Variants in ATL3 observed in about 807,000 individuals in gnomAD.
The protein encoded by ATL3 is atlastin GTPase 3, also known as atlastin-3.
Under a neutral mutation model 69.5 loss-of-function variants are expected in ATL3, and 49 were observed. That is an observed-to-expected ratio of 0.71 (90% confidence interval 0.56 to 0.89). The LOEUF (loss-of-function observed/expected upper bound fraction) is 0.89. Ranked by LOEUF, ATL3 falls within the 40% of genes least tolerant of loss-of-function variation. The pLI is 0.00. For missense variants in ATL3, 606 were observed against 645.7 expected, an observed-to-expected ratio of 0.94 and a Z score of 0.67; for synonymous variants, 214 against 224.1, an observed-to-expected ratio of 0.95 and a Z score of 0.40.
intron 5 of ATL3, 29 bp downstream of exon 5, chr11:63,651,907 A>T: frequency 1.3e-6 from 2 of 1,574,980 alleles, no homozygotes; most frequent in Non-Finnish European, 1.7e-6. Context: ...AAATAATATG[A>T]TGTTAAAATT....
intron 1 of ATL3, among the ~76,000 whole-genome samples, chr11:63,667,084 T>C (rs1940593269): frequency 6.6e-6 from 1 of 152,190 alleles, no homozygotes; most frequent in East Asian, 1.9e-4. Flanking sequence ...AATCATTCCC[T>C]TTTCCAGAGT....
At chr11:63,638,240 T>A (rs571976266) in intron 8 of ATL3, among the ~76,000 whole-genome samples, 1 of 152,180 alleles carries the variant, frequency 6.6e-6, no homozygotes, top group Non-Finnish European at 1.5e-5. Flanking sequence ...ACTCAATCTT[T>A]AGTGGTGTCA....
Position 63,659,206 on chromosome 11 carries a change from C to T in ATL3, c.93G>A (p.Leu31=), listed in dbSNP as rs774668397. Residue 31 remains leucine (L), a synonymous_variant, in exon 2 of 13, where the codon TTG becomes TTA. Coordinates refer to ENST00000398868, the MANE Select transcript of ATL3 (RefSeq NM_015459.5). ...SSKPGPVQVV[L]VQKDQHSFEL... is the part of the protein sequence containing the mutation. ...CAAAGGAATGTTGATCTTTCTGAAC[C>T]AAAACAACCTGCACTGGACCAGGCT... 10 of 1,613,910 alleles carry T rather than the reference C, an allele frequency of 6.2e-6. No individual in the cohort carries two copies. Among genetic ancestry groups the T allele is most frequent in the Non-Finnish European group, 8.5e-6 (10 of 1,180,012 alleles).
intron 1 of ATL3, among the ~76,000 whole-genome samples, chr11:63,667,444 C>T (rs1471134496): frequency 1.3e-5 from 2 of 151,952 alleles, no homozygotes; most frequent in African/African-American, 4.8e-5. Flanking sequence ...ATTCTCCCAC[C>T]TCAGCCTCCC....
At chr11:63,641,787 A>C (rs975120361) in intron 8 of ATL3, among the ~76,000 whole-genome samples, 7 of 152,220 alleles carry the variant, frequency 4.6e-5, no homozygotes, top group Admixed American at 2.6e-4. Flanking sequence ...TTCAAAAGCC[A>C]GGGTTACTGA....
chr11:63,643,904 T>C (rs1939782411), intron 7 of ATL3, among the ~76,000 whole-genome samples: 1 of 152,294 alleles, frequency 6.6e-6, no homozygotes, highest in Non-Finnish European at 1.5e-5. Flanking sequence ...TAAAGACACA[T>C]ATAGAACTTG....
At chr11:63,633,218 T>A (rs918445887) in intron 10 of ATL3, 121 bp from the exon 11 acceptor site, 3 of 769,180 alleles carry the variant, frequency 3.9e-6, no homozygotes, top group Admixed American at 2.6e-5. Flanking sequence ...TCTATTTTTC[T>A]AGATTTCCAT....
rs1037008447 is a variant in ATL3, at chr11:63,645,776, CT to C, written c.618+730del. 2.7e-5 allele frequency among the ~76,000 whole-genome samples: 4 copies of C among 148,928 alleles called. No homozygotes were observed. The South Asian group carries it at 6.4e-4, about 24-fold the overall frequency. ...TATTTTATTTTATTTTTGTTTTTTT[CT>C]TTTTTTTTGAGACAAAGTCTTGCTC... On this transcript the variant is annotated intron_variant, in intron 6 of 12. Coordinates refer to ENST00000398868, the MANE Select transcript of ATL3 (RefSeq NM_015459.5).
chr11:63,628,272 T>C lies in ATL3; in HGVS notation c.*1047A>G, dbSNP rs1437725986. ...TCCTTTTATTATGAGCCACTCTGGC[T>C]TTTCAAGGCACGTTTGCCTCTTTTT... On this transcript the variant is annotated 3_prime_UTR_variant, in exon 13 of 13. Coordinates refer to ENST00000398868, the MANE Select transcript of ATL3 (RefSeq NM_015459.5). 6.6e-6 allele frequency: 1 copy of C among 152,022 alleles called. No homozygotes were observed. Among genetic ancestry groups the C allele is most frequent in the Non-Finnish European group, 1.5e-5 (1 of 68,020 alleles). 9.4% of individuals were successfully genotyped at this position (152,022 alleles called of 1,614,324 possible).
At position 63,627,509 on chromosome 11, in the gene ATL3, GACT is replaced by G. The variant is rs1397256403; in HGVS notation, c.*1807_*1809del. On this transcript the variant is annotated 3_prime_UTR_variant, in exon 13 of 13. Coordinates refer to ENST00000398868, the MANE Select transcript of ATL3 (RefSeq NM_015459.5). ...GATAAAGAGATTACATGCGAAAAGG[GACT>G]TTTTTTCTACCTTCCATTCATACTT... The G allele has an allele frequency of 6.6e-6, 1 of 152,116 alleles. No individual in the cohort carries two copies. Among genetic ancestry groups the G allele is most frequent in the African/African-American group, 2.4e-5 (1 of 41,442 alleles). The allele number at this position is 152,116 out of a possible 1,614,324, so 9.4% of individuals were successfully genotyped here. A position where few individuals can be genotyped will look rare whatever the true frequency, so the allele number is the denominator to read the frequency against.
At chr11:63,642,569 G>C (rs553842069) in intron 8 of ATL3, among the ~76,000 whole-genome samples, 2 of 152,266 alleles carry the variant, frequency 1.3e-5, no homozygotes, top group South Asian at 4.1e-4. Flanking sequence ...CAAGAACTTG[G>C]ATGTAGATCT....
rs202137557 is a variant in ATL3 at position 63,636,284 on chromosome 11, A to G, written c.901T>C (p.Leu301=). Residue 301 remains leucine, a synonymous_variant, in exon 9 of 13, where the codon TTA becomes CTA. Transcript: ENST00000398868. ...EQLQALIPYV[L]NPSKLMEKEI... ...TTTTCCATTAACTTAGATGGGTTTA[A>G]TACATACGGTATCAGTGCCTGTAAC... 1.4e-5 allele frequency: 23 copies of G among 1,614,170 alleles called. No homozygotes were observed. The East Asian group carries it at 4.7e-4, about 33-fold the overall frequency.
intron 3 of ATL3, among the ~76,000 whole-genome samples, chr11:63,652,894 T>C (rs1461471568): frequency 6.6e-6 from 1 of 152,110 alleles, no homozygotes; most frequent in Non-Finnish European, 1.5e-5. Context: ...AAAAAGAAAC[T>C]AAAAAATATT....
At chr11:63,658,345 T>C (rs563156917) in intron 3 of ATL3, among the ~76,000 whole-genome samples, 2 of 152,344 alleles carry the variant, frequency 1.3e-5, no homozygotes, top group South Asian at 4.1e-4. Flanking sequence ...AGGAAACACA[T>C]GTTGAAATAG....
chr11:63,669,710 G>A (rs1359361451), intron 1 of ATL3, among the ~76,000 whole-genome samples: 2 of 150,740 alleles, frequency 1.3e-5, no homozygotes, highest in East Asian at 1.9e-4. Context: ...GGGAGGCCGA[G>A]GAGAGGAGGG....
chr11:63,645,926 C>A (rs1939860994), intron 6 of ATL3, among the ~76,000 whole-genome samples: 1 of 152,016 alleles, frequency 6.6e-6, no homozygotes, highest in Admixed American at 6.6e-5. Context: ...CACCACCACG[C>A]CCAGCTGATT....
intron 6 of ATL3, 120 bp from the exon 7 acceptor site, chr11:63,644,381 C>CT: frequency 2.1e-6 from 1 of 478,254 alleles, no homozygotes; most frequent in Non-Finnish European, 3.6e-6. Flanking sequence ...GAAGGATTTA[C>CT]CTTTTTTTTT....
intron 7 of ATL3, 106 bp from the exon 8 acceptor site, chr11:63,643,601 A>G (rs758494536): frequency 8.3e-5 from 86 of 1,032,140 alleles, no homozygotes; most frequent in Non-Finnish European, 1.1e-4. Context: ...ACTCTGATGG[A>G]TCATAGTGGC....
At chr11:63,671,693 G>A (rs1286612918), upstream of ATL3, 2 of 1,317,832 alleles carry the variant, frequency 1.5e-6, no homozygotes, top group Non-Finnish European at 2.0e-6. Context: ...CGCGCTCACT[G>A]GGTCCCGGCC....
Sources: allele counts gnomAD v4.1 joint callset (sites outside exome capture counted in the v4.1 genomes callset), GRCh38; gene constraint gnomAD v4.1.1; transcripts MANE v1.5; gene names NCBI Gene and HGNC (gene_info 2026-07-23, HGNC 2026-07-21).